DIP2C: variants seen among roughly 807,000 people sequenced by gnomAD.
The protein encoded by DIP2C is DIP2 acetate--CoA ligase C (putative).
A neutral mutation model predicts 192.4 loss-of-function variants in DIP2C; 33 were observed. The ratio of observed to expected loss-of-function variants is 0.17; its 90% CI spans 0.13 to 0.23. The LOEUF (loss-of-function observed/expected upper bound fraction) is 0.23. DIP2C is among the 10% of genes least tolerant of loss of function. The pLI, the probability that DIP2C is intolerant of heterozygous loss-of-function variation, is 1.00. For missense variants in DIP2C, 1,537 were observed against 2,110.1 expected (o/e 0.73, Z 5.32); for synonymous variants, 979 against 864.1 (o/e 1.13, Z -2.33).
chr10:559,178 C>G (rs901026984), intron 1 of DIP2C, among the ~76,000 whole-genome samples: 7 of 152,228 alleles, frequency 4.6e-5, no homozygotes, highest in Non-Finnish European at 1.0e-4. Context: ...TCATGAGACC[C>G]TTTGGAGGCA....
intron 29 of DIP2C, among the ~76,000 whole-genome samples, chr10:333,779 G>A (rs979913420): frequency 2.0e-5 from 3 of 152,216 alleles, no homozygotes; most frequent in Admixed American, 6.5e-5. Context: ...GCTTTGCAGT[G>A]TAAGTTTTGA....
At chr10:288,152 A>C (rs921833584) in intron 33 of DIP2C, among the ~76,000 whole-genome samples, 2 of 152,218 alleles carry the variant, frequency 1.3e-5, no homozygotes, top group African/African-American at 4.8e-5. Context: ...TTCATGGAGG[A>C]GGAGATGCCT....
chr10:437,421 GCT>G (rs1342070819), intron 4 of DIP2C: 2 of 151,370 alleles, frequency 1.3e-5, no homozygotes, highest in Non-Finnish European at 1.5e-5. Context: ...CCACACCTGA[GCT>G]CTCTCTGATC....
intron 32 of DIP2C, among the ~76,000 whole-genome samples, chr10:299,119 T>C (rs938789679): frequency 1.3e-5 from 2 of 152,212 alleles, no homozygotes; most frequent in African/African-American, 4.8e-5. Flanking sequence ...GCTTTATACT[T>C]TGCACTGCCC....
chr10:476,377 ATCCTAGGCAAGTTTGTGAACTT>A (rs1172750964), intron 2 of DIP2C, among the ~76,000 whole-genome samples: 2 of 152,088 alleles, frequency 1.3e-5, no homozygotes, highest in African/African-American at 4.8e-5. Flanking sequence ...ATTCTGTGGG[ATCCTAGGCAAGTTTGTGAACTT>A]TCCTAGGCTC....
intron 4 of DIP2C, among the ~76,000 whole-genome samples, chr10:428,065 TCAA>T (rs1210212890): frequency 1.3e-5 from 2 of 152,010 alleles, no homozygotes; most frequent in Non-Finnish European, 2.9e-5. Flanking sequence ...AGAATATAAT[TCAA>T]CAATAAGAAG....
intron 24 of DIP2C, 69 bp from the exon 25 acceptor site, chr10:349,523 G>A (rs4242754): frequency 1 from 1,544,843 of 1,551,412 alleles, 769,336 homozygotes; most frequent in East Asian, 1. Flanking sequence ...GAGCGCGCAC[G>A]CGTCATACAA....
At chr10:517,260 A>C (rs1846421366) in intron 1 of DIP2C, among the ~76,000 whole-genome samples, 1 of 152,168 alleles carries the variant, frequency 6.6e-6, no homozygotes, top group South Asian at 2.1e-4. Context: ...ATGTACCATG[A>C]ATTTACTTAC....
chr10:384,270 CCTTTTTTTTTTTTT>C lies in DIP2C; in HGVS notation c.1757-138_1757-125del, dbSNP rs1232676157. On this transcript the variant is annotated intron_variant, in intron 15 of 36. Transcript: ENST00000280886. ...TCACTGGTCACCCAGCCCCCACAAA[CCTTTTTTTTTTTTT>C]TTTTTTTTTTTTTTTGTGATCTTGG... 51 of 535,782 alleles carry C rather than the reference CCTTTTTTTTTTTTT, an allele frequency of 9.5e-5. No individual in the cohort carries two copies. In the African/African-American group the frequency reaches 1.1e-3, roughly 12 times the overall value. 33.2% of individuals were successfully genotyped at this position (535,782 alleles called of 1,614,324 possible). A position where few individuals can be genotyped will look rare whatever the true frequency, so the allele number is the denominator to read the frequency against.
At chr10:547,886 C>T (rs1475057290) in intron 1 of DIP2C, among the ~76,000 whole-genome samples, 9 of 152,188 alleles carry the variant, frequency 5.9e-5, no homozygotes, top group African/African-American at 1.9e-4. Flanking sequence ...GGGGAGCCCA[C>T]ACCACCCCAC....
intron 1 of DIP2C, among the ~76,000 whole-genome samples, chr10:646,927 C>T (rs2131969587): frequency 6.6e-6 from 1 of 152,376 alleles, no homozygotes; most frequent in Non-Finnish European, 1.5e-5. Flanking sequence ...TTAAAAACAA[C>T]TGCCTTCATA....
intron 1 of DIP2C, among the ~76,000 whole-genome samples, chr10:634,099 C>A (rs1698552681): frequency 6.6e-6 from 1 of 152,178 alleles, no homozygotes; most frequent in South Asian, 2.1e-4. Flanking sequence ...GCCTAGTGAT[C>A]CCGCATTATG....
chr10:449,920 C>CAAAAAAAAAAAAAAAAAAAAAA (rs59135780), intron 3 of DIP2C, among the ~76,000 whole-genome samples: 1 of 135,912 alleles, frequency 7.4e-6, no homozygotes. Context: ...TCAACAACAA[C>CAAAAAAAAAAAAAAAAAAAAAA]AAAAAAAAAA....
chr10:419,090 G>C lies in DIP2C; in HGVS notation c.714C>G (p.Asn238Lys), dbSNP rs142664209. 6.2e-7 allele frequency: 1 copy of C among 1,614,262 alleles called. No individual in the cohort carries two copies. Among genetic ancestry groups the C allele is most frequent in the Non-Finnish European group, 8.5e-7 (1 of 1,180,050 alleles). Residue 238 changes from asparagine (N) to lysine (K), a missense_variant, in exon 6 of 37, where the codon AAC becomes AAG. Coordinates refer to ENST00000280886, the MANE Select transcript of DIP2C (RefSeq NM_014974.3). ...TGSRTAPKYG[N>K]AELMETGDGV... ...CATCCCCGGTCTCCATGAGCTCGGCGTTGCCGTACTTGGGCGCTGTCCGGG... is the reference window on the plus strand; with the variant it reads ...CATCCCCGGTCTCCATGAGCTCGGCCTTGCCGTACTTGGGCGCTGTCCGGG...
intron 3 of DIP2C, among the ~76,000 whole-genome samples, chr10:470,935 G>A (rs1188105979): frequency 6.6e-6 from 1 of 152,130 alleles, no homozygotes; most frequent in East Asian, 1.9e-4. Context: ...TCACAGACAG[G>A]GTGTCTGCAT....
At chr10:512,628 G>C (rs1325378189) in intron 1 of DIP2C, among the ~76,000 whole-genome samples, 1 of 151,942 alleles carries the variant, frequency 6.6e-6, no homozygotes, top group East Asian at 1.9e-4. Flanking sequence ...ATTATAGAAA[G>C]GAGCTGGCCG....
chr10:337,955 C>T (rs535370502), intron 29 of DIP2C, among the ~76,000 whole-genome samples: 162 of 122,526 alleles, frequency 1.3e-3, no homozygotes, highest in South Asian at 8.0e-3. Flanking sequence ...CCTAGACAGT[C>T]GTGTGTGTGT....
At chr10:553,837 T>C (rs897216158) in intron 1 of DIP2C, among the ~76,000 whole-genome samples, 2 of 150,862 alleles carry the variant, frequency 1.3e-5, no homozygotes, top group Non-Finnish European at 2.9e-5. Flanking sequence ...ATATACCTCA[T>C]AGGAAAAAAC....
Position 305,993 on chromosome 10 carries a change from A to ATATATATATG in DIP2C, c.3986+4037_3986+4038insCATATATATA, listed in dbSNP as rs958069491. On this transcript the variant is annotated intron_variant, in intron 32 of 36. Transcript: ENST00000280886. The stretch of plus-strand genomic sequence containing the variant: ...GACAAATATATATATATATATATAT[A>ATATATATATG]TTATATTTTTTTCCTATCTAAAGTC... 2.2e-4 allele frequency among the ~76,000 whole-genome samples: 31 copies of ATATATATATG among 142,774 alleles called. 2 individuals are homozygous for ATATATATATG. Among genetic ancestry groups the ATATATATATG allele is most frequent in the African/African-American group, 7.8e-4 (30 of 38,622 alleles). The allele number at this position is 142,774 out of a possible 152,430, so 93.7% of individuals were successfully genotyped here.
Sources: allele counts gnomAD v4.1 joint callset (sites outside exome capture counted in the v4.1 genomes callset), GRCh38; gene constraint gnomAD v4.1.1; transcripts MANE v1.5; gene names NCBI Gene and HGNC (gene_info 2026-07-23, HGNC 2026-07-21).